Variants in FRMD6 observed in about 807,000 individuals in gnomAD.
FRMD6 encodes FERM domain containing 6, also known as FERM domain-containing protein 6.
Under a neutral mutation model 73.2 loss-of-function variants are expected in FRMD6, and 37 were observed. That is an observed-to-expected ratio of 0.51 (90% confidence interval 0.39 to 0.66). The LOEUF (loss-of-function observed/expected upper bound fraction) is 0.66, where lower values mean the gene tolerates loss of function less well. Ranked by LOEUF, FRMD6 falls within the 30% of genes least tolerant of loss-of-function variation. The pLI is 0.00. For missense variants in FRMD6, 714 were observed against 780.5 expected, an observed-to-expected ratio of 0.91 and a Z score of 1.02; for synonymous variants, 273 against 282.2, an observed-to-expected ratio of 0.97 and a Z score of 0.33.
At chr14:51,530,603 C>G (rs1452240262) in intron 1 of FRMD6, among the ~76,000 whole-genome samples, 1 of 151,892 alleles carries the variant, frequency 6.6e-6, no homozygotes, top group Non-Finnish European at 1.5e-5. Flanking sequence ...GCCTCGGCCT[C>G]CCGAGTAGCT....
At chr14:51,489,902 G>A (rs1224652546) in intron 1 of FRMD6, among the ~76,000 whole-genome samples, 1 of 152,162 alleles carries the variant, frequency 6.6e-6, no homozygotes, top group African/African-American at 2.4e-5. Flanking sequence ...ACCATCATAA[G>A]TTTTTAAAAA....
intron 1 of FRMD6, among the ~76,000 whole-genome samples, chr14:51,532,376 A>G (rs1566797178): frequency 6.6e-6 from 1 of 151,924 alleles, no homozygotes; most frequent in Non-Finnish European, 1.5e-5. Context: ...CTCAAAAAAA[A>G]AAAAAAAAAA....
chr14:51,665,773 G>C (rs559230285), intron 1 of FRMD6, among the ~76,000 whole-genome samples: 1 of 152,266 alleles, frequency 6.6e-6, no homozygotes, highest in African/African-American at 2.4e-5. Context: ...GAATCATGGC[G>C]GTGTGTCTTT....
chr14:51,430,875 G>C, the FRMD6 span, among the ~76,000 whole-genome samples: 49 of 152,236 alleles, frequency 3.2e-4, no homozygotes, highest in African/African-American at 1.2e-3. Context: ...TATGGACTTA[G>C]GACACAAAGA....
intron 5 of FRMD6, among the ~76,000 whole-genome samples, chr14:51,703,085 A>G (rs553434591): frequency 6.6e-6 from 1 of 152,134 alleles, no homozygotes; most frequent in Admixed American, 6.6e-5. Context: ...TATTCTTGGC[A>G]GTAGCCTTAA....
intron 1 of FRMD6, among the ~76,000 whole-genome samples, chr14:51,547,488 G>A (rs1490423901): frequency 6.6e-6 from 1 of 152,148 alleles, no homozygotes; most frequent in African/African-American, 2.4e-5. Context: ...ATTGTATGTG[G>A]ATTCTGTAAT....
chr14:51,460,362 A>C, the FRMD6 span, among the ~76,000 whole-genome samples: 3 of 152,336 alleles, frequency 2.0e-5, no homozygotes, highest in Admixed American at 6.5e-5. Context: ...CTTCCCATTC[A>C]GGGACTTTGC....
At chr14:51,531,195 G>A (rs1596546809) in intron 1 of FRMD6, among the ~76,000 whole-genome samples, 1 of 152,138 alleles carries the variant, frequency 6.6e-6, no homozygotes, top group Non-Finnish European at 1.5e-5. Flanking sequence ...ATGCTTGTTA[G>A]GGGACACATT....
intron 1 of FRMD6, among the ~76,000 whole-genome samples, chr14:51,500,211 C>T (rs867625158): frequency 6.6e-5 from 10 of 152,052 alleles, no homozygotes; most frequent in African/African-American, 1.2e-4. Flanking sequence ...GAGATGTAAA[C>T]GAATGTGGAA....
chr14:51,580,586 A>G (rs764501123), intron 2 of FRMD6, among the ~76,000 whole-genome samples: 35 of 152,186 alleles, frequency 2.3e-4, no homozygotes, highest in Admixed American at 5.2e-4. Context: ...CCTACCCAAT[A>G]TAGAATGGTT....
the FRMD6 span, among the ~76,000 whole-genome samples, chr14:51,413,263 A>C: frequency 6.6e-6 from 1 of 151,984 alleles, no homozygotes; most frequent in Non-Finnish European, 1.5e-5. Flanking sequence ...GCACTCATCA[A>C]CTCGTCATTT....
intron 1 of FRMD6, among the ~76,000 whole-genome samples, chr14:51,542,237 A>G (rs970752948): frequency 2.0e-5 from 3 of 152,066 alleles, no homozygotes; most frequent in Admixed American, 6.6e-5. Flanking sequence ...TTTCAAAAAC[A>G]TTTTATCACT....
At chr14:51,497,396 T>C (rs1488508278) in intron 1 of FRMD6, among the ~76,000 whole-genome samples, 1 of 152,168 alleles carries the variant, frequency 6.6e-6, no homozygotes, top group East Asian at 1.9e-4. Flanking sequence ...CTTTAAAAAC[T>C]TTATCGGTTT....
At chr14:51,643,525 G>A (rs1891907059) in intron 2 of FRMD6, 1 of 152,196 alleles carries the variant, frequency 6.6e-6, no homozygotes, top group Non-Finnish European at 1.5e-5. Context: ...GGATTGTTAA[G>A]AAAGCTGGAT....
chr14:51,583,068 T>A (rs974733138), intron 2 of FRMD6, among the ~76,000 whole-genome samples: 1 of 152,198 alleles, frequency 6.6e-6, no homozygotes, highest in Non-Finnish European at 1.5e-5. Flanking sequence ...ATGTATTGAA[T>A]TATATAAAGT....
intron 2 of FRMD6, among the ~76,000 whole-genome samples, chr14:51,633,124 G>A (rs974483646): frequency 2.0e-5 from 3 of 149,090 alleles, no homozygotes. Flanking sequence ...TCAATCTAAT[G>A]GGATATGTGA....
upstream of FRMD6, among the ~76,000 whole-genome samples, chr14:51,488,890 T>A (rs1215259192): frequency 6.6e-6 from 1 of 152,222 alleles, no homozygotes; most frequent in Admixed American, 6.5e-5. Context: ...TTTTGTGGTA[T>A]ATTTTATCCC....
At chr14:51,614,914 A>C (rs577604995) in intron 2 of FRMD6, among the ~76,000 whole-genome samples, 158 of 152,270 alleles carry the variant, frequency 1.0e-3, no homozygotes, top group South Asian at 1.9e-3. Flanking sequence ...GAATACATGC[A>C]GTCTATGAGT....
At chr14:51,702,206 C>G (rs192796069) in intron 4 of FRMD6, among the ~76,000 whole-genome samples, 35 of 152,144 alleles carry the variant, frequency 2.3e-4, no homozygotes, top group African/African-American at 7.9e-4. Flanking sequence ...GGAGCTGGGT[C>G]TCAGCTAGAA....
Sources: allele counts gnomAD v4.1 joint callset (sites outside exome capture counted in the v4.1 genomes callset), GRCh38; gene constraint gnomAD v4.1.1; transcripts MANE v1.5; gene names NCBI Gene and HGNC (gene_info 2026-07-23, HGNC 2026-07-21).